The following KDM5A variants were observed in gnomAD, a reference collection of about 807,000 sequenced individuals.
KDM5A encodes lysine-specific demethylase 5A.
Under a neutral mutation model 193.5 loss-of-function variants are expected in KDM5A, and 42 were observed. The observed-to-expected ratio is 0.22, with a 90% CI of 0.17 to 0.28. The LOEUF (loss-of-function observed/expected upper bound fraction) is 0.28. Ranked by LOEUF, KDM5A falls within the 10% of genes least tolerant of loss-of-function variation. The probability of loss-of-function intolerance (pLI) is 1.00; values close to 1 mark genes in which losing one functional copy is unlikely to be tolerated. For missense variants in KDM5A, 1,692 were observed against 2,055.1 expected, an observed-to-expected ratio of 0.82 and a Z score of 3.42; for synonymous variants, 796 against 718.1, an observed-to-expected ratio of 1.11 and a Z score of -1.73.
chr12:308,455 T>TA (rs1365951448), intron 22 of KDM5A, among the ~76,000 whole-genome samples: 1 of 152,208 alleles, frequency 6.6e-6, no homozygotes, highest in Non-Finnish European at 1.5e-5. Context: ...CTTAAAGTAT[T>TA]AGTTTCCTAT....
Position 344,725 on chromosome 12 carries a change from T to C in KDM5A, c.1308+5896A>G, listed in dbSNP as rs564162767. Among the ~76,000 whole-genome samples, 229 of 152,276 alleles carry C rather than the reference T, an allele frequency of 1.5e-3. 2 individuals are homozygous for C. Among genetic ancestry groups the C allele is most frequent in the Admixed American group, 3.6e-3 (55 of 15,272 alleles). On this transcript the variant is annotated intron_variant, in intron 10 of 27. Transcript: ENST00000399788. ...ACAGACAAGCAAATGCTGAGAGATT[T>C]TGTCACCACCAGGCCTGCCTTACAA...
Position 293,129 on chromosome 12 carries a change from T to C in KDM5A, c.4496A>G (p.Lys1499Arg), listed in dbSNP as rs1334011685. 3 of 1,609,006 alleles carry C rather than the reference T, an allele frequency of 1.9e-6. No homozygotes were observed. The highest frequency in any genetic ancestry group is 2.2e-5 in the East Asian group (1 of 44,860). The change falls in exon 27 of 28, where the codon AAG becomes AGG. Residue 1499 changes from lysine (K) to arginine (R), a missense_variant. Around this residue, in one of 11 missense-constraint regions of KDM5A, gnomAD observed 965 missense variants for 1,061.0 expected, o/e 0.91. Transcript: ENST00000399788. ...MEEKPLKVKG[K>R]DSSEKKRKRK... ...TTTCCGTTTCTTCTCTGAAGAGTCCTTTCCTTTCACTTTTAGTGGTTTCTC... is the reference window on the plus strand; with the variant it reads ...TTTCCGTTTCTTCTCTGAAGAGTCCCTTCCTTTCACTTTTAGTGGTTTCTC...
At chr12:318,578 A>G (rs1426970361) in intron 18 of KDM5A, 117 bp from the exon 19 acceptor site, 7 of 705,012 alleles carry the variant, frequency 9.9e-6, no homozygotes, top group East Asian at 5.3e-5. Context: ...TCTCACCATC[A>G]TAACACCAAA....
At chr12:372,958 G>A (rs981735554) in intron 3 of KDM5A, among the ~76,000 whole-genome samples, 2 of 151,726 alleles carry the variant, frequency 1.3e-5, no homozygotes, top group African/African-American at 4.8e-5. Flanking sequence ...GATCATGGTG[G>A]ATAAGCTTTT....
chr12:285,570 G>A lies in KDM5A; in HGVS notation c.4959C>T (p.Tyr1653=), dbSNP rs771111119. ...VSPEMAENED[Y]ICINCAKKQG... is the part of the protein sequence containing the mutation. ...GCTTCTTTGCACAGTTTATACAGAT[G>A]TAATCTTCATTTTCAGCCATTTCTG... Residue 1653 remains tyrosine, a synonymous_variant, in exon 28 of 28, where the codon TAC becomes TAT. Transcript: ENST00000399788. 2 of 1,613,994 alleles carry A rather than the reference G, an allele frequency of 1.2e-6. No individual in the cohort carries two copies. Among genetic ancestry groups the A allele is most frequent in the Non-Finnish European group, 1.7e-6 (2 of 1,179,940 alleles).
rs1944216913 is a variant in KDM5A at position 355,207 on chromosome 12, G to C, written c.821C>G (p.Ala274Gly). The C allele has an allele frequency of 6.2e-7, 1 of 1,613,040 alleles. No individual in the cohort carries two copies. The highest frequency in any genetic ancestry group is 1.1e-5 in the South Asian group (1 of 91,058). The change falls in exon 7 of 28, where the codon GCA becomes GGA. Residue 274 changes from alanine to glycine, a missense_variant. Ala to Gly is a moderately conservative substitution (Grantham distance 60, BLOSUM62 0). Around this residue, in one of 11 missense-constraint regions of KDM5A, gnomAD observed 134 missense variants for 124.2 expected, o/e 1.08. Transcript: ENST00000399788. ...RRRKVTNRSDAFNMQMRQRKG... is the reference protein window; with the variant it reads ...RRRKVTNRSDGFNMQMRQRKG... ...CCGTTGTCTCATTTGCATGTTAAAT[G>C]CGTCTGACCTGTTGGTAACTTTTCG...
chr12:348,530 G>C (rs1944108350), intron 10 of KDM5A, among the ~76,000 whole-genome samples: 1 of 152,202 alleles, frequency 6.6e-6, no homozygotes, highest in African/African-American at 2.4e-5. Flanking sequence ...ATCAATGATA[G>C]ACTGGATTAA....
chr12:310,076 A>G (rs1403284987), intron 21 of KDM5A, 112 bp from the exon 22 acceptor site: 1 of 1,078,650 alleles, frequency 9.3e-7, no homozygotes, highest in African/African-American at 1.6e-5. Flanking sequence ...GCACTTTCTT[A>G]AGGACTTTAT....
Position 365,941 on chromosome 12 carries a change from C to T in KDM5A, c.530G>A (p.Ser177Asn), listed in dbSNP as rs1486347515. 1 of 1,613,690 alleles carries T rather than the reference C, an allele frequency of 6.2e-7. No homozygotes were observed. ...YPYELFQSGVSLMGVQMPNLD... is the reference protein window; with the variant it reads ...YPYELFQSGVNLMGVQMPNLD... ...AAGAATAATGCATCTCACCATAAGG[C>T]TCACACCAGACTGGAAAAGCTCATA... Residue 177 changes from serine (S) to asparagine (N), a missense_variant, in exon 4 of 28, where the codon AGC (serine) becomes AAC (asparagine). This residue lies in a region of KDM5A where 120 missense variants were observed against 172.0 expected (regional missense o/e 0.70). Coordinates refer to ENST00000399788, the MANE Select transcript of KDM5A (RefSeq NM_001042603.3).
chr12:363,015 G>C lies in KDM5A; in HGVS notation c.620C>G (p.Pro207Arg). 2 of 1,614,140 alleles carry C rather than the reference G, an allele frequency of 1.2e-6. No individual in the cohort carries two copies. Among genetic ancestry groups the C allele is most frequent in the Non-Finnish European group, 1.7e-6 (2 of 1,180,014 alleles). The change falls in exon 5 of 28, where the codon CCA (proline) becomes CGA (arginine). Residue 207 changes from proline (P) to arginine (R), a missense_variant. By Grantham distance (103) the Pro-to-Arg change is moderately radical. This residue lies in a region of KDM5A where 134 missense variants were observed against 124.2 expected (regional missense o/e 1.08). Transcript: ENST00000399788. ...LSTDTQTSPEPGTRMNILPKR... is the reference protein window; with the variant it reads ...LSTDTQTSPERGTRMNILPKR... ...CGGCAGAATGTTCATCCTTGTGCCT[G>C]GCTCTGGGGAAGTTTGGGTATCAGT...
In KDM5A at chr12:307,787, T is replaced by C. The variant is rs754740753; in HGVS notation, c.3597A>G (p.Lys1199=). 2.5e-6 allele frequency: 4 copies of C among 1,613,286 alleles called. No individual in the cohort carries two copies. Among genetic ancestry groups the C allele is most frequent in the Non-Finnish European group, 3.4e-6 (4 of 1,179,418 alleles). Reference sequence around the variant, plus strand: ...CTTCTTTAGCTTGCCAGCTGGATCCTTTTTTTTGGGAACTTGATTTAGGAA... The same window carrying C: ...CTTCTTTAGCTTGCCAGCTGGATCCCTTTTTTTGGGAACTTGATTTAGGAA... ...VPLPKSSSQK[K]GSSWQAKEVK... Residue 1199 remains lysine (K), a synonymous_variant, in exon 23 of 28, where the codon AAA becomes AAG. Transcript: ENST00000399788. The surrounding 1 kb of genome is among the most constrained non-coding windows in gnomAD (Gnocchi z 4.3).
At chr12:350,355 G>A (rs931761585) in intron 10 of KDM5A, among the ~76,000 whole-genome samples, 14 of 149,048 alleles carry the variant, frequency 9.4e-5, no homozygotes, top group African/African-American at 3.2e-4. Context: ...AGAATTGCTT[G>A]AACCCAGGAG....
At position 323,102 on chromosome 12, in the gene KDM5A, G is replaced by C. The variant is rs1438561587; in HGVS notation, c.2255C>G (p.Ala752Gly). 6.2e-7 allele frequency: 1 copy of C among 1,604,362 alleles called. No individual in the cohort carries two copies. Among genetic ancestry groups the C allele is most frequent in the Non-Finnish European group, 8.5e-7 (1 of 1,175,760 alleles). The change falls in exon 16 of 28, where the codon GCT becomes GGT. Residue 752 changes from alanine to glycine, a missense_variant. Around this residue, in one of 11 missense-constraint regions of KDM5A, gnomAD observed 965 missense variants for 1,061.0 expected, o/e 0.91. Transcript: ENST00000399788. ...WVSRVTEALS[A>G]NFNHKKDLIE... is the part of the protein sequence containing the mutation. ...TTAACCTTTTTTGTGGTTGAAGTTA[G>C]CAGACAATGCTTCTGTAACACGACT...
In KDM5A at chr12:365,960, G is replaced by C; in HGVS notation, c.511C>G (p.Leu171Val). ...ATAAGGCTCACACCAGACTGGAAAAGCTCATATGGGTAGAGAATTCTTTCA... is the reference window on the plus strand; with the variant it reads ...ATAAGGCTCACACCAGACTGGAAAACCTCATATGGGTAGAGAATTCTTTCA... ...HYERILYPYE[L>V]FQSGVSLMGV... The change falls in exon 4 of 28, where the codon CTT becomes GTT. Residue 171 changes from leucine to valine, a missense_variant. Around this residue, in one of 11 missense-constraint regions of KDM5A, gnomAD observed 120 missense variants for 172.0 expected, o/e 0.70. Transcript: ENST00000399788. 1 of 1,613,912 alleles carries C rather than the reference G, an allele frequency of 6.2e-7. No homozygotes were observed. Among genetic ancestry groups the C allele is most frequent in the Non-Finnish European group, 8.5e-7 (1 of 1,179,820 alleles).
intron 10 of KDM5A, among the ~76,000 whole-genome samples, chr12:347,666 G>C (rs992718168): frequency 6.6e-6 from 1 of 152,142 alleles, no homozygotes; most frequent in African/African-American, 2.4e-5. Flanking sequence ...ATGGGGAAAG[G>C]ATTCCCTATT....
chr12:311,518 A>G (rs1943586368), intron 20 of KDM5A, among the ~76,000 whole-genome samples: 1 of 151,972 alleles, frequency 6.6e-6, no homozygotes, highest in Non-Finnish European at 1.5e-5. Context: ...GAAACACATG[A>G]TAGTTACCTA....
chr12:303,171 C>A (rs112639898), intron 24 of KDM5A, among the ~76,000 whole-genome samples: 3,254 of 152,292 alleles, frequency 0.021, 99 homozygotes, highest in African/African-American at 0.074. Flanking sequence ...TGGGTATATA[C>A]CCAAAGGATT....
chr12:385,180 G>A (rs1170214511), intron 2 of KDM5A, among the ~76,000 whole-genome samples: 28 of 137,344 alleles, frequency 2.0e-4, no homozygotes, highest in African/African-American at 7.1e-4. Flanking sequence ...AAGACTCTCT[G>A]GAAAAAAAAA....
intron 14 of KDM5A, among the ~76,000 whole-genome samples, chr12:324,332 G>C (rs1266004165): frequency 6.6e-6 from 1 of 152,088 alleles, no homozygotes; most frequent in Non-Finnish European, 1.5e-5. Context: ...CAAAAGTCAA[G>C]ACAGTTTTTT....
Sources: allele counts gnomAD v4.1 joint callset (sites outside exome capture counted in the v4.1 genomes callset), GRCh38; gene constraint gnomAD v4.1.1; regional missense constraint gnomAD v4.1.1; non-coding constraint Gnocchi (gnomAD v3.1); transcripts MANE v1.5; gene names NCBI Gene and HGNC (gene_info 2026-07-23, HGNC 2026-07-21).